The following MYO1B variants were observed in gnomAD, a reference collection of about 807,000 sequenced individuals.
MYO1B encodes the protein unconventional myosin-Ib.
Under a neutral mutation model 159.7 loss-of-function variants are expected in MYO1B, and 72 were observed. That is an observed-to-expected ratio of 0.45 (90% CI 0.37 to 0.55). The LOEUF is 0.55. MYO1B is among the 20% of genes least tolerant of loss of function. The pLI, the probability that MYO1B is intolerant of heterozygous loss-of-function variation, is 0.00. For missense variants in MYO1B, 1,062 were observed against 1,364.8 expected, an observed-to-expected ratio of 0.78 and a Z score of 3.50; for synonymous variants, 468 against 473.8, an observed-to-expected ratio of 0.99 and a Z score of 0.16.
chr2:191,334,379 C>T (rs1025200673), intron 4 of MYO1B, among the ~76,000 whole-genome samples: 2 of 152,130 alleles, frequency 1.3e-5, no homozygotes, highest in Admixed American at 6.5e-5. Context: ...TACTGAAAAA[C>T]TGAGTGGAGG....
chr2:191,252,635 C>T (rs185672301), intron 1 of MYO1B, among the ~76,000 whole-genome samples: 13 of 152,322 alleles, frequency 8.5e-5, no homozygotes, highest in African/African-American at 3.1e-4. Flanking sequence ...GTAACCCCTT[C>T]ATTGTGCTTG....
chr2:191,329,827 T>A (rs1246237286), intron 3 of MYO1B, 108 bp from the exon 4 acceptor site: 1 of 803,670 alleles, frequency 1.2e-6, no homozygotes, highest in East Asian at 2.6e-5. Flanking sequence ...GATAGCTTGC[T>A]TTCCAAAAGC....
intron 3 of MYO1B, among the ~76,000 whole-genome samples, chr2:191,323,099 G>T (rs967385213): frequency 6.6e-6 from 1 of 152,194 alleles, no homozygotes; most frequent in South Asian, 2.1e-4. Flanking sequence ...AGCATTTGTA[G>T]ATTGTCATGG....
At chr2:191,283,473 G>T (rs1267044938) in intron 2 of MYO1B, among the ~76,000 whole-genome samples, 1 of 152,142 alleles carries the variant, frequency 6.6e-6, no homozygotes, top group African/African-American at 2.4e-5. Flanking sequence ...TTTCTTATTG[G>T]TTGGTAAAAT....
intron 2 of MYO1B, among the ~76,000 whole-genome samples, chr2:191,280,454 A>G (rs569107845): frequency 6.6e-6 from 1 of 152,292 alleles, no homozygotes; most frequent in East Asian, 1.9e-4. Flanking sequence ...GAGGCTTCAT[A>G]GTAGCAAACC....
chr2:191,393,114 C>G lies in MYO1B; in HGVS notation c.2118C>G (p.Asp706Glu), dbSNP rs1695855083. 2 of 1,613,940 alleles carry G rather than the reference C, an allele frequency of 1.2e-6. No homozygotes were observed. Among genetic ancestry groups the G allele is most frequent in the Non-Finnish European group, 1.7e-6 (2 of 1,179,934 alleles). The change falls in exon 20 of 31, where the codon GAC becomes GAG. Residue 706 changes from aspartate (D) to glutamate (E), a missense_variant. Physicochemically the swap from Asp to Glu is conservative, Grantham distance 45 (BLOSUM62 2). Around this residue, in one of 5 missense-constraint regions of MYO1B, gnomAD observed 609 missense variants for 744.4 expected, o/e 0.82. Coordinates refer to ENST00000392318, the MANE Select transcript of MYO1B (RefSeq NM_001130158.3). ...ACCTGAGGAAGCAACGCCTGGAGGACTTGGCCACTCTCATTCAGAAGATAT... is the reference window on the plus strand; with the variant it reads ...ACCTGAGGAAGCAACGCCTGGAGGAGTTGGCCACTCTCATTCAGAAGATAT... Reference protein sequence around the residue: ...LEDLRKQRLEDLATLIQKIYR... With the variant: ...LEDLRKQRLEELATLIQKIYR...
At chr2:191,349,105 A>C (rs1468388242) in intron 6 of MYO1B, among the ~76,000 whole-genome samples, 1 of 152,206 alleles carries the variant, frequency 6.6e-6, no homozygotes, top group African/African-American at 2.4e-5. Flanking sequence ...TGGAATATCC[A>C]GTTAACCTGT....
chr2:191,333,169 A>AT (rs1691602131), intron 4 of MYO1B, among the ~76,000 whole-genome samples: 2 of 151,962 alleles, frequency 1.3e-5, no homozygotes, highest in East Asian at 3.8e-4. Flanking sequence ...ATCTTTCTCC[A>AT]TTTTTTTCCT....
At chr2:191,268,780 C>T (rs1275734411) in intron 1 of MYO1B, among the ~76,000 whole-genome samples, 2 of 152,192 alleles carry the variant, frequency 1.3e-5, no homozygotes, top group African/African-American at 4.8e-5. Flanking sequence ...CCACAGCCAC[C>T]TGACTGTGGT....
chr2:191,337,661 G>A (rs548992196), intron 4 of MYO1B, among the ~76,000 whole-genome samples: 1 of 151,996 alleles, frequency 6.6e-6, no homozygotes, highest in Non-Finnish European at 1.5e-5. Context: ...ATATATGTAC[G>A]TAAGTTTACA....
intron 1 of MYO1B, among the ~76,000 whole-genome samples, chr2:191,262,045 C>T (rs912860090): frequency 6.6e-6 from 1 of 152,174 alleles, no homozygotes; most frequent in Non-Finnish European, 1.5e-5. Flanking sequence ...CTCTCTTCCA[C>T]CTCTGTCAAA....
intron 7 of MYO1B, among the ~76,000 whole-genome samples, chr2:191,353,538 A>T (rs920345705): frequency 1.3e-5 from 2 of 152,178 alleles, no homozygotes; most frequent in Non-Finnish European, 2.9e-5. Flanking sequence ...ACATTACCTT[A>T]TCAAGAGTCT....
chr2:191,281,225 G>C (rs555957642), intron 2 of MYO1B, among the ~76,000 whole-genome samples: 1 of 152,272 alleles, frequency 6.6e-6, no homozygotes, highest in Non-Finnish European at 1.5e-5. Flanking sequence ...CTGTGGCCTG[G>C]TTGAGTCTCT....
intron 15 of MYO1B, among the ~76,000 whole-genome samples, chr2:191,384,740 T>C (rs1695300498): frequency 6.6e-6 from 1 of 152,224 alleles, no homozygotes; most frequent in African/African-American, 2.4e-5. Flanking sequence ...TTAATTATTC[T>C]CTTTTAAGAA....
Position 191,424,042 on chromosome 2 carries a change from T to G in MYO1B, c.*82T>G, listed in dbSNP as rs1698107314. On this transcript the variant is annotated 3_prime_UTR_variant, in exon 31 of 31. Transcript: ENST00000392318. ...TTTGTTTTATTTGGGGTTCATTGTA[T>G]GTTTGGGAATCACCAAAGGCTTTTA... The G allele has an allele frequency of 6.8e-7, 1 of 1,471,134 alleles. No homozygotes were observed. The highest frequency in any genetic ancestry group is 1.4e-5 in the African/African-American group (1 of 71,012). The allele number at this position is 1,471,134 out of a possible 1,614,324, so 91.1% of individuals were successfully genotyped here. A position where few individuals can be genotyped will look rare whatever the true frequency, so the allele number is the denominator to read the frequency against.
chr2:191,338,646 A>C (rs963199082), intron 4 of MYO1B, among the ~76,000 whole-genome samples: 6 of 152,156 alleles, frequency 3.9e-5, no homozygotes, highest in South Asian at 4.2e-4. Context: ...TTTTCCCCCC[A>C]CCACCACCCT....
intron 3 of MYO1B, among the ~76,000 whole-genome samples, chr2:191,319,876 A>C (rs1197598844): frequency 6.6e-6 from 1 of 152,182 alleles, no homozygotes; most frequent in African/African-American, 2.4e-5. Flanking sequence ...CAAGATTAGG[A>C]ATGGAGAAGG....
intron 21 of MYO1B, among the ~76,000 whole-genome samples, chr2:191,396,788 A>T (rs953420593): frequency 1.3e-5 from 2 of 152,184 alleles, no homozygotes; most frequent in African/African-American, 4.8e-5. Flanking sequence ...TGTTTTCGAG[A>T]AAAGCTGTGG....
chr2:191,389,700 A>AG (rs1182923122), intron 17 of MYO1B, among the ~76,000 whole-genome samples: 4 of 152,256 alleles, frequency 2.6e-5, no homozygotes, highest in African/African-American at 9.6e-5. Context: ...TGCCCTGTTA[A>AG]GAAAGGAGAA....
Sources: allele counts gnomAD v4.1 joint callset (sites outside exome capture counted in the v4.1 genomes callset), GRCh38; gene constraint gnomAD v4.1.1; regional missense constraint gnomAD v4.1.1; transcripts MANE v1.5; gene names NCBI Gene and HGNC (gene_info 2026-07-23, HGNC 2026-07-21).